BSN: variants seen among roughly 807,000 people sequenced by gnomAD.
BSN encodes protein bassoon.
Under a neutral mutation model 264.8 loss-of-function variants are expected in BSN, and 57 were observed. The observed-to-expected ratio is 0.22, with a 90% CI of 0.17 to 0.27. BSN has a LOEUF of 0.27. Among genes scored for constraint, BSN ranks in the 10% least tolerant of loss-of-function variants. The pLI, the probability that BSN is intolerant of heterozygous loss-of-function variation, is 1.00. For synonymous variants in BSN, 2,059 were observed against 2,137.3 expected, an observed-to-expected ratio of 0.96 and a Z score of 1.01; for missense variants, 4,615 against 5,232.5, an observed-to-expected ratio of 0.88 and a Z score of 3.64.
rs1009423300 is a variant in BSN at position 49,638,231 on chromosome 3, T to A, written c.634-4037T>A. ...ATGAGGAGGCATCACTGTGTGCAGC[T>A]AAGGAAGGCTCTAACTGTACTGGCA... On this transcript the variant is annotated intron_variant, in intron 2 of 11. Coordinates refer to ENST00000296452, the MANE Select transcript of BSN (RefSeq NM_003458.4). The surrounding 1 kb of genome is among the most constrained non-coding windows in gnomAD (Gnocchi z 4.3). Among the ~76,000 whole-genome samples the A allele has an allele frequency of 2.2e-5, 3 of 138,856 alleles. No individual in the cohort carries two copies. The highest frequency in any genetic ancestry group is 4.5e-5 in the Non-Finnish European group (3 of 66,876). 91.1% of individuals were successfully genotyped at this position (138,856 alleles called of 152,430 possible).
chr3:49,597,335 A>C (rs529462539), intron 1 of BSN, among the ~76,000 whole-genome samples: 4 of 152,004 alleles, frequency 2.6e-5, no homozygotes, highest in African/African-American at 9.7e-5. Flanking sequence ...TTCTGTTTTT[A>C]GAGACAGGGT....
chr3:49,598,762 C>T (rs533537062), intron 1 of BSN, among the ~76,000 whole-genome samples: 3 of 151,838 alleles, frequency 2.0e-5, no homozygotes, highest in East Asian at 1.9e-4. Context: ...AAACTGTGTA[C>T]GAAGCAAAGA....
intron 3 of BSN, among the ~76,000 whole-genome samples, chr3:49,649,218 C>T (rs2052520733): frequency 1.3e-5 from 2 of 152,238 alleles, no homozygotes; most frequent in African/African-American, 4.8e-5. Context: ...CTGAGGTTGT[C>T]AGCCTTCCTG....
At chr3:49,555,833 T>C (rs950191824) in intron 1 of BSN, among the ~76,000 whole-genome samples, 7 of 152,246 alleles carry the variant, frequency 4.6e-5, no homozygotes, top group African/African-American at 9.6e-5. Flanking sequence ...TCTGCTGATA[T>C]ATGTTGCCCT....
intron 3 of BSN, among the ~76,000 whole-genome samples, chr3:49,646,795 G>C (rs1283372171): frequency 6.6e-6 from 1 of 152,212 alleles, no homozygotes; most frequent in African/African-American, 2.4e-5. Flanking sequence ...TTGGTGCTGG[G>C]GGGTGAGGGG....
At chr3:49,604,875 A>G (rs1479244057) in intron 1 of BSN, among the ~76,000 whole-genome samples, 3 of 151,028 alleles carry the variant, frequency 2.0e-5, no homozygotes, top group African/African-American at 7.3e-5. Context: ...CCCTACCTGC[A>G]ATCCACAACC....
intron 1 of BSN, among the ~76,000 whole-genome samples, chr3:49,622,407 T>C (rs1158788031): frequency 1.3e-5 from 2 of 152,222 alleles, no homozygotes; most frequent in Non-Finnish European, 2.9e-5. Flanking sequence ...ATGCAGACTT[T>C]GCTGGGTGCA....
chr3:49,662,087 G>T lies in BSN; in HGVS notation c.10242G>T (p.Lys3414Asn). ...ATGAAATCACCTATGGGCTCAAGAAGAACGTGTATGAGCAGCAAAAATACT... is the reference window on the plus strand; with the variant it reads ...ATGAAATCACCTATGGGCTCAAGAATAACGTGTATGAGCAGCAAAAATACT... ...FQDEITYGLK[K>N]NVYEQQKYYG... Residue 3414 changes from lysine to asparagine, a missense_variant, in exon 6 of 12, where the codon AAG becomes AAT. Lys to Asn is a moderately conservative substitution (Grantham distance 94). Transcript: ENST00000296452. 6.2e-7 allele frequency: 1 copy of T among 1,613,546 alleles called. No homozygotes were observed. Among genetic ancestry groups the T allele is most frequent in the Non-Finnish European group, 8.5e-7 (1 of 1,180,040 alleles).
intron 1 of BSN, among the ~76,000 whole-genome samples, chr3:49,575,565 T>G (rs2051839176): frequency 6.8e-6 from 1 of 147,494 alleles, no homozygotes; most frequent in Admixed American, 6.9e-5. Context: ...TAAATATATA[T>G]GCGTATATAT....
At chr3:49,595,480 C>T (rs769027204) in intron 1 of BSN, among the ~76,000 whole-genome samples, 15 of 152,102 alleles carry the variant, frequency 9.9e-5, no homozygotes, top group South Asian at 4.1e-4. Flanking sequence ...TGAGCCACTG[C>T]GCCCGGCCTC....
At chr3:49,583,967 G>A (rs1340252150) in intron 1 of BSN, among the ~76,000 whole-genome samples, 1 of 152,080 alleles carries the variant, frequency 6.6e-6, no homozygotes, top group Non-Finnish European at 1.5e-5. Context: ...TCTGCCTCCC[G>A]AGTTCACTCC....
rs763169065 is a variant in BSN, at chr3:49,642,741, C to G, written c.1107C>G (p.Pro369=). The G allele has an allele frequency of 1.2e-6, 2 of 1,613,378 alleles. No homozygotes were observed. Among genetic ancestry groups the G allele is most frequent in the Admixed American group, 1.7e-5 (1 of 60,010 alleles). The change falls in exon 3 of 12, where the codon CCC becomes CCG. Residue 369 remains proline, a synonymous_variant. Coordinates refer to ENST00000296452, the MANE Select transcript of BSN (RefSeq NM_003458.4). The surrounding 1 kb of genome is among the most constrained non-coding windows in gnomAD (Gnocchi z 7.0). ...TQASTLMSVQ[P]EADTQGQPAP... ...CGAGCACCCTCATGTCTGTGCAGCC[C>G]GAGGCTGACACCCAGGGCCAGCCTG...
rs1470919139 is a variant in BSN, at chr3:49,650,968, G to A, written c.1875G>A (p.Glu625=). ...AGCCCATGCCGAAGCCACCTCCAGAGACTACCCCAACCCCTGCGACTCCTA... is the reference window on the plus strand; with the variant it reads ...AGCCCATGCCGAAGCCACCTCCAGAAACTACCCCAACCCCTGCGACTCCTA... The part of the protein sequence containing the change: ...KAEPMPKPPP[E]TTPTPATPKV... The change falls in exon 4 of 12, where the codon GAG becomes GAA. Residue 625 remains glutamate (E), a synonymous_variant. Coordinates refer to ENST00000296452, the MANE Select transcript of BSN (RefSeq NM_003458.4). 6.2e-7 allele frequency: 1 copy of A among 1,614,054 alleles called. No homozygotes were observed. The highest frequency in any genetic ancestry group is 1.3e-5 in the African/African-American group (1 of 74,932).
In BSN at chr3:49,656,637, CAGG is replaced by C. The variant is rs1234683905; in HGVS notation, c.7087_7089del (p.Glu2363del). 2 of 1,609,558 alleles carry C rather than the reference CAGG, an allele frequency of 1.2e-6. No homozygotes were observed. The highest frequency in any genetic ancestry group is 1.7e-6 in the Non-Finnish European group (2 of 1,178,124). On this transcript the variant is annotated inframe_deletion, in exon 5 of 12. Coordinates refer to ENST00000296452, the MANE Select transcript of BSN (RefSeq NM_003458.4). ...AGGGTTCGAGAAAGAGGAAGCATCA[CAGG>C]AGGAGAGGCAGCGGAAGCAACAGGA...
chr3:49,554,784 C>T lies in BSN; in HGVS notation c.182C>T (p.Pro61Leu). ...CGGTCGACCGCGGTACCACCGGTCC[C>T]TGGCCCCGGCCCCGGCCCCGGTCCC... is the stretch of plus-strand genomic sequence containing the variant. ...AARSTAVPPVPGPGPGPGPGP... is the reference protein window; with the variant it reads ...AARSTAVPPVLGPGPGPGPGP... Residue 61 changes from proline (P) to leucine (L), a missense_variant, in exon 1 of 12, where the codon CCT (proline) becomes CTT (leucine). By Grantham distance (98) the Pro-to-Leu change is moderately conservative. Coordinates refer to ENST00000296452, the MANE Select transcript of BSN (RefSeq NM_003458.4). 1 of 1,225,612 alleles carries T rather than the reference C, an allele frequency of 8.2e-7. No homozygotes were observed. Among genetic ancestry groups the T allele is most frequent in the African/African-American group, 1.6e-5 (1 of 63,998 alleles). The allele number at this position is 1,225,612 out of a possible 1,614,324, so 75.9% of individuals were successfully genotyped here.
At chr3:49,619,674 C>T (rs933472744) in intron 1 of BSN, among the ~76,000 whole-genome samples, 1 of 152,216 alleles carries the variant, frequency 6.6e-6, no homozygotes, top group Non-Finnish European at 1.5e-5. Flanking sequence ...CAATTATTGT[C>T]AGCAGAGCCT....
At chr3:49,607,474 A>C (rs2052163626) in intron 1 of BSN, among the ~76,000 whole-genome samples, 1 of 152,180 alleles carries the variant, frequency 6.6e-6, no homozygotes, top group Admixed American at 6.5e-5. Flanking sequence ...CTCATTAGTC[A>C]GTGGCTAGCA....
intron 2 of BSN, among the ~76,000 whole-genome samples, chr3:49,633,631 T>A (rs985453643): frequency 1.3e-5 from 2 of 152,190 alleles, no homozygotes; most frequent in Non-Finnish European, 2.9e-5. Flanking sequence ...TGTACACCCA[T>A]GTTCACAGCA....
At chr3:49,572,512 A>C (rs1053774033) in intron 1 of BSN, among the ~76,000 whole-genome samples, 5 of 152,198 alleles carry the variant, frequency 3.3e-5, no homozygotes, top group Non-Finnish European at 5.9e-5. Context: ...ATGAGGAATC[A>C]GGGAAACCAT....
Sources: gnomAD v4.1 joint callset for allele counts (sites outside exome capture counted in the v4.1 genomes callset) on GRCh38, gnomAD v4.1.1 for gene constraint, Gnocchi (gnomAD v3.1) non-coding constraint, MANE v1.5 for transcripts, NCBI Gene and HGNC (gene_info 2026-07-23, HGNC 2026-07-21) for gene names.